The following ARVCF variants were observed in gnomAD, a reference collection of about 807,000 sequenced individuals.
ARVCF encodes ARVCF delta catenin family member.
ARVCF carries 66 observed loss-of-function variants against 90.9 expected under a neutral mutation model. The observed-to-expected ratio is 0.73, with a 90% CI of 0.60 to 0.89. ARVCF has a LOEUF of 0.89. Among genes scored for constraint, ARVCF ranks in the 40% least tolerant of loss-of-function variants. The probability of loss-of-function intolerance (pLI) is 0.00; values close to 1 mark genes in which losing one functional copy is unlikely to be tolerated. For synonymous variants in ARVCF, 653 were observed against 603.4 expected (o/e 1.08, Z -1.21); for missense variants, 1,469 against 1,382.3 (o/e 1.06, Z -1.00).
chr22:19,979,419 G>GC (rs1488730785), intron 6 of ARVCF: 3 of 528,154 alleles, frequency 5.7e-6, no homozygotes, highest in Non-Finnish European at 6.7e-6. Flanking sequence ...CAAGGCACAA[G>GC]CCCCACCACT....
At chr22:20,009,278 C>T (rs1015075803) in intron 2 of ARVCF, among the ~76,000 whole-genome samples, 2 of 152,220 alleles carry the variant, frequency 1.3e-5, no homozygotes, top group Non-Finnish European at 2.9e-5. Flanking sequence ...CACAGCCAGG[C>T]GGCAGCAGAC....
chr22:19,975,340 T>A (rs1351756619), intron 11 of ARVCF, among the ~76,000 whole-genome samples: 2 of 152,158 alleles, frequency 1.3e-5, no homozygotes, highest in Non-Finnish European at 2.9e-5. Context: ...CCCCCTCAGA[T>A]AACTCAGCTT....
intron 3 of ARVCF, among the ~76,000 whole-genome samples, chr22:19,985,694 C>T (rs1943730537): frequency 6.7e-6 from 1 of 149,088 alleles, no homozygotes; most frequent in South Asian, 2.2e-4. Context: ...ACTTATCTAC[C>T]CAAACCACCG....
intron 9 of ARVCF, 82 bp from the exon 10 acceptor site, chr22:19,976,805 G>T: frequency 6.7e-7 from 1 of 1,496,244 alleles, no homozygotes; most frequent in Non-Finnish European, 9.1e-7. Flanking sequence ...CCTCCCGGAA[G>T]CCTCAGGTTC....
At position 19,971,308 on chromosome 22, in the gene ARVCF, G is replaced by A. The variant is rs775515599; in HGVS notation, c.2809C>T (p.Pro937Ser). The A allele has an allele frequency of 2.6e-6, 4 of 1,555,698 alleles. No homozygotes were observed. The African/African-American group carries it at 4.1e-5, about 16-fold the overall frequency. The change falls in exon 19 of 20, where the codon CCC (proline) becomes TCC (serine). Residue 937 changes from proline (P) to serine (S), a missense_variant. Transcript: ENST00000263207. ...CTGACCGCGGGCCTGCTGGGCCCGG[G>A]GGGAGGGGCCTTCCTGCTGGGGTCG... is the stretch of plus-strand genomic sequence containing the variant. ...KLDPSRKAPP[P>S]GPSRPAVRLV...
chr22:19,993,395 G>A (rs1347121294), intron 2 of ARVCF, among the ~76,000 whole-genome samples: 1 of 152,240 alleles, frequency 6.6e-6, no homozygotes, highest in East Asian at 1.9e-4. Flanking sequence ...ATGATGTCAA[G>A]GAAAGCAAAA....
intron 3 of ARVCF, among the ~76,000 whole-genome samples, chr22:19,982,387 G>A (rs928469496): frequency 1.3e-5 from 2 of 152,084 alleles, no homozygotes; most frequent in Non-Finnish European, 2.9e-5. Context: ...GGCAGATAAG[G>A]ACATAGACCC....
chr22:19,967,857 A>T (rs1942504380), downstream of ARVCF, among the ~76,000 whole-genome samples: 1 of 152,238 alleles, frequency 6.6e-6, no homozygotes, highest in Non-Finnish European at 1.5e-5. Context: ...TAGCATAGAT[A>T]GGCAAGCATC....
intron 3 of ARVCF, among the ~76,000 whole-genome samples, chr22:19,985,645 G>C (rs926471223): frequency 1.3e-5 from 2 of 152,260 alleles, no homozygotes; most frequent in Non-Finnish European, 2.9e-5. Context: ...CACACAGAGG[G>C]ATGCTGGGGC....
downstream of ARVCF, among the ~76,000 whole-genome samples, chr22:19,968,196 G>A (rs72547416): frequency 6.6e-6 from 1 of 152,310 alleles, no homozygotes; most frequent in Non-Finnish European, 1.5e-5. Flanking sequence ...CTGGCACTGG[G>A]TGTTGAGGGC....
intron 2 of ARVCF, among the ~76,000 whole-genome samples, chr22:19,998,919 C>T (rs1944350054): frequency 6.6e-6 from 1 of 152,200 alleles, no homozygotes; most frequent in African/African-American, 2.4e-5. Context: ...CCTATCCGCC[C>T]AGGGGGAAAT....
Position 19,973,702 on chromosome 22 carries a change from C to A in ARVCF, c.2180G>T (p.Arg727Leu). The A allele has an allele frequency of 6.2e-7, 1 of 1,610,202 alleles. No homozygotes were observed. Residue 727 changes from arginine to leucine, a missense_variant, in exon 13 of 20, where the codon CGC becomes CTC. Coordinates refer to ENST00000263207, the MANE Select transcript of ARVCF (RefSeq NM_001670.3). ...GTTGCGCAGAGCGATGGCGACGGCG[C>A]GCACCACCTTGTCGGTCTCAGACTG... ...LLQSETDKVV[R>L]AVAIALRNLS...
chr22:19,996,663 C>T (rs763767067), intron 2 of ARVCF, among the ~76,000 whole-genome samples: 1 of 152,350 alleles, frequency 6.6e-6, no homozygotes, highest in East Asian at 1.9e-4. Context: ...CCTGCCCCTG[C>T]CAGTCTACCA....
rs757549018 is a variant in ARVCF at position 19,979,882 on chromosome 22, C to G, written c.1257G>C (p.Arg419=). 1 of 1,606,748 alleles carries G rather than the reference C, an allele frequency of 6.2e-7. No individual in the cohort carries two copies. The highest frequency in any genetic ancestry group is 8.5e-7 in the Non-Finnish European group (1 of 1,177,550). ...LDHPRAEVRR[R]ACGALRNLSY... The stretch of plus-strand genomic sequence containing the variant: ...AGAGGTTGCGCAGTGCCCCACAGGC[C>G]CGGCGCCGCACCTCAGCCCGCGGGT... Residue 419 remains arginine, a synonymous_variant, in exon 6 of 20, where the codon CGG becomes CGC. Transcript: ENST00000263207.
chr22:19,984,968 G>A (rs1601617910), intron 3 of ARVCF, among the ~76,000 whole-genome samples: 1 of 152,128 alleles, frequency 6.6e-6, no homozygotes, highest in Non-Finnish European at 1.5e-5. Flanking sequence ...TGGAATGGTG[G>A]GCTGACTCTC....
At chr22:19,980,383 A>G in intron 5 of ARVCF, 141 bp from the exon 6 acceptor site, 2 of 1,272,660 alleles carry the variant, frequency 1.6e-6, no homozygotes, top group South Asian at 1.8e-5. Flanking sequence ...GGCCCGGAGC[A>G]TGGTGGGGAC....
chr22:20,004,560 A>G (rs1170637765), intron 2 of ARVCF, among the ~76,000 whole-genome samples: 4 of 152,214 alleles, frequency 2.6e-5, no homozygotes, highest in African/African-American at 9.6e-5. Context: ...CATAAGATTT[A>G]TATCGATCTT....
rs558398105 is a variant in ARVCF, at chr22:19,982,097, G to A, written c.211-6C>T. On this transcript the variant is annotated splice_region_variant and splice_polypyrimidine_tract_variant and intron_variant, in intron 3 of 19. Transcript: ENST00000263207. ...TGGCTGCCTGGGCTCTGCTCCTGGG[G>A]CAAGGAGGGACATTGGTGGGCAGGC... 6 of 1,610,070 alleles carry A rather than the reference G, an allele frequency of 3.7e-6. No homozygotes were observed. Among genetic ancestry groups the A allele is most frequent in the Non-Finnish European group, 1.7e-6 (2 of 1,179,812 alleles).
At chr22:19,980,289 G>A in intron 5 of ARVCF, 47 bp from the exon 6 acceptor site, 2 of 1,488,612 alleles carry the variant, frequency 1.3e-6, no homozygotes, top group Non-Finnish European at 1.8e-6. Context: ...GCAGCCGCCA[G>A]CCCTGCCTCT....
Sources: allele counts gnomAD v4.1 joint callset (sites outside exome capture counted in the v4.1 genomes callset), GRCh38; gene constraint gnomAD v4.1.1; transcripts MANE v1.5; gene names NCBI Gene and HGNC (gene_info 2026-07-23, HGNC 2026-07-21).